The following TRPM3 variants were observed in gnomAD, a reference collection of about 807,000 sequenced individuals.
TRPM3 encodes long transient receptor potential channel 3.
Under a neutral mutation model 181.2 loss-of-function variants are expected in TRPM3, and 77 were observed. The observed-to-expected ratio is 0.42, with a 90% CI of 0.35 to 0.51. TRPM3 has a LOEUF of 0.51. Ranked by LOEUF, TRPM3 falls within the 20% of genes least tolerant of loss-of-function variation. The probability of loss-of-function intolerance (pLI) is 0.01; values close to 1 mark genes in which losing one functional copy is unlikely to be tolerated. For synonymous variants in TRPM3, 745 were observed against 796.4 expected (o/e 0.94, Z 1.09); for missense variants, 1,759 against 2,196.7 (o/e 0.80, Z 3.98).
chr9:70,631,397 G>T, intron 12 of TRPM3, among the ~76,000 whole-genome samples: 2 of 148,080 alleles, frequency 1.4e-5, no homozygotes, highest in African/African-American at 2.5e-5. Context: ...AAAAGCTCTG[G>T]GTCTTAATTC....
At position 70,657,523 on chromosome 9, in the gene TRPM3, T is replaced by G. The variant is rs191741825; in HGVS notation, c.1346-16863A>C. On this transcript the variant is annotated intron_variant, in intron 9 of 25. Transcript: ENST00000677713. Reference sequence around the variant, plus strand: ...ACTGTAGAAGGTCTTTTCTTTTGCCTTTTGGTAACTGGCCTAACTGGCCTA... The same window carrying G: ...ACTGTAGAAGGTCTTTTCTTTTGCCGTTTGGTAACTGGCCTAACTGGCCTA... 7.1e-4 allele frequency among the ~76,000 whole-genome samples: 108 copies of G among 152,284 alleles called. 1 individual carries two copies. The highest frequency in any genetic ancestry group is 2.5e-3 in the African/African-American group (102 of 41,558).
intron 6 of TRPM3, chr9:70,793,467 A>ATATAT (rs1238786905): frequency 8.6e-6 from 1 of 116,192 alleles, no homozygotes; most frequent in Non-Finnish European, 1.9e-5. Context: ...AAAAAAAAAA[A>ATATAT]AAATATATAT....
At chr9:71,277,458 G>A (rs2084308020) in intron 1 of TRPM3, among the ~76,000 whole-genome samples, 2 of 152,136 alleles carry the variant, frequency 1.3e-5, no homozygotes, top group Non-Finnish European at 2.9e-5. Flanking sequence ...TTTATGATGA[G>A]TCATACTGAG....
At chr9:70,796,635 A>G (rs1376385035) in intron 6 of TRPM3, among the ~76,000 whole-genome samples, 1 of 152,238 alleles carries the variant, frequency 6.6e-6, no homozygotes, top group African/African-American at 2.4e-5. Context: ...GTATTAAAGA[A>G]AAACTTCTTA....
intron 1 of TRPM3, among the ~76,000 whole-genome samples, chr9:70,992,212 C>G (rs895934467): frequency 5.9e-5 from 9 of 152,218 alleles, no homozygotes; most frequent in Admixed American, 2.6e-4. Context: ...GGGCTTGACT[C>G]TTGTCTACAA....
intron 1 of TRPM3, among the ~76,000 whole-genome samples, chr9:71,100,333 T>C (rs2068114709): frequency 1.3e-5 from 2 of 152,222 alleles, no homozygotes; most frequent in South Asian, 4.1e-4. Flanking sequence ...CATGAGAAGA[T>C]AAGAAACCAT....
At chr9:71,296,203 C>G (rs1460873394) in intron 1 of TRPM3, among the ~76,000 whole-genome samples, 1 of 152,068 alleles carries the variant, frequency 6.6e-6, no homozygotes, top group African/African-American at 2.4e-5. Context: ...TTAAAAGACT[C>G]CATTCAGTCA....
chr9:71,438,621 A>C (rs559689692), intron 1 of TRPM3, among the ~76,000 whole-genome samples: 14 of 152,338 alleles, frequency 9.2e-5, no homozygotes, highest in African/African-American at 3.4e-4. Context: ...TGCCGTAAGC[A>C]GTGATTGTGC....
intron 1 of TRPM3, among the ~76,000 whole-genome samples, chr9:70,883,634 A>G (rs893126676): frequency 2.0e-5 from 3 of 152,300 alleles, no homozygotes; most frequent in Non-Finnish European, 4.4e-5. Flanking sequence ...GATTTTCATA[A>G]TATAGTTGAA....
intron 1 of TRPM3, among the ~76,000 whole-genome samples, chr9:71,074,487 C>T (rs1235533585): frequency 6.6e-6 from 1 of 152,186 alleles, no homozygotes; most frequent in Non-Finnish European, 1.5e-5. Context: ...ATCAGATTCC[C>T]AGTGTCCACA....
intron 1 of TRPM3, among the ~76,000 whole-genome samples, chr9:71,093,368 GAACTTA>G (rs1222615153): frequency 6.6e-6 from 1 of 151,298 alleles, no homozygotes; most frequent in East Asian, 1.9e-4. Context: ...AATCTACAAA[GAACTTA>G]AACAAATTTA....
At chr9:70,645,048 G>A (rs1010536346) in intron 9 of TRPM3, among the ~76,000 whole-genome samples, 9 of 152,246 alleles carry the variant, frequency 5.9e-5, no homozygotes, top group Admixed American at 5.9e-4. Context: ...ACTGCTCAAG[G>A]AAATAAGAGA....
chr9:71,410,629 C>CA (rs1239091317), intron 1 of TRPM3, among the ~76,000 whole-genome samples: 1 of 151,720 alleles, frequency 6.6e-6, no homozygotes, highest in Non-Finnish European at 1.5e-5. Flanking sequence ...GCCTACCAAC[C>CA]AAAAAAAATC....
At chr9:71,143,146 A>G (rs536351099) in intron 1 of TRPM3, among the ~76,000 whole-genome samples, 44 of 151,816 alleles carry the variant, frequency 2.9e-4, no homozygotes, top group African/African-American at 1.0e-3. Flanking sequence ...AAAAAAAAAA[A>G]AAGAAGTTTT....
intron 1 of TRPM3, among the ~76,000 whole-genome samples, chr9:71,086,734 C>G (rs1194432538): frequency 6.6e-6 from 1 of 151,972 alleles, no homozygotes; most frequent in Non-Finnish European, 1.5e-5. Context: ...AGGAAAGAAT[C>G]TAATCTGCCA....
At chr9:70,828,470 C>G (rs78855165) in intron 5 of TRPM3, among the ~76,000 whole-genome samples, 10,012 of 152,048 alleles carry the variant, frequency 0.066, 439 homozygotes, top group Middle Eastern at 0.13. Flanking sequence ...AAATGTGATT[C>G]TTTCTGTCAA....
At chr9:70,544,555 G>T (rs1332725956) in intron 25 of TRPM3, among the ~76,000 whole-genome samples, 1 of 152,044 alleles carries the variant, frequency 6.6e-6, no homozygotes, top group Non-Finnish European at 1.5e-5. Context: ...ACATTTTTTG[G>T]AGTCATGCAG....
In TRPM3 at chr9:70,862,985, T is replaced by C; in HGVS notation, c.385A>G (p.Lys129Glu). 1 of 1,613,730 alleles carries C rather than the reference T, an allele frequency of 6.2e-7. No homozygotes were observed. The highest frequency in any genetic ancestry group is 8.5e-7 in the Non-Finnish European group (1 of 1,179,744). ...TCCGTAGGGCTGAGTTGAGTGTGTT[T>C]GCTGATGGACCACTTTTCAGACTGG... Reference protein sequence around the residue: ...DIQSEKWSISKHTQLSPTDAF... With the variant: ...DIQSEKWSISEHTQLSPTDAF... The change falls in exon 3 of 26, where the codon AAA becomes GAA. Residue 129 changes from lysine to glutamate, a missense_variant. Physicochemically the swap from Lys to Glu is moderately conservative, Grantham distance 56. This residue lies in a region of TRPM3 where 737 missense variants were observed against 957.4 expected (regional missense o/e 0.77). Coordinates refer to ENST00000677713, the MANE Select transcript of TRPM3 (RefSeq NM_001366145.2).
chr9:70,978,327 A>G (rs1447145418), intron 1 of TRPM3, among the ~76,000 whole-genome samples: 2 of 152,232 alleles, frequency 1.3e-5, no homozygotes, highest in Admixed American at 1.3e-4. Context: ...ATTTATGTCC[A>G]GTGAGCAAAG....
Sources: allele counts gnomAD v4.1 joint callset (sites outside exome capture counted in the v4.1 genomes callset), GRCh38; gene constraint gnomAD v4.1.1; regional missense constraint gnomAD v4.1.1; transcripts MANE v1.5; gene names NCBI Gene and HGNC (gene_info 2026-07-23, HGNC 2026-07-21).